Variants in INPP5B observed in about 807,000 individuals in gnomAD.
INPP5B encodes the protein type II inositol 1,4,5-trisphosphate 5-phosphatase.
INPP5B carries 90 observed loss-of-function variants against 118.5 expected under a neutral mutation model. That is an observed-to-expected ratio of 0.76 (90% CI 0.64 to 0.90). The LOEUF is 0.90. INPP5B is among the 40% of genes least tolerant of loss of function. INPP5B has a pLI of 0.00. For synonymous variants in INPP5B, 385 were observed against 418.9 expected (o/e 0.92, Z 0.99); for missense variants, 984 against 1,125.6 (o/e 0.87, Z 1.80).
chr1:37,880,757 ACT>A (rs1208364362), intron 14 of INPP5B, among the ~76,000 whole-genome samples: 1 of 138,514 alleles, frequency 7.2e-6, no homozygotes, highest in African/African-American at 2.8e-5. Context: ...TTTCAGTCTC[ACT>A]CTGTCACCCA....
intron 7 of INPP5B, among the ~76,000 whole-genome samples, chr1:37,913,584 C>T (rs1427383263): frequency 6.6e-6 from 1 of 152,044 alleles, no homozygotes; most frequent in Non-Finnish European, 1.5e-5. Flanking sequence ...TTCTAACAAC[C>T]CCACAATATC....
At chr1:37,896,502 C>T (rs1218387418) in intron 7 of INPP5B, among the ~76,000 whole-genome samples, 6 of 148,144 alleles carry the variant, frequency 4.1e-5, no homozygotes, top group Admixed American at 6.6e-5. Context: ...GGCCAGCCGC[C>T]CCGTCCGGCA....
intron 7 of INPP5B, among the ~76,000 whole-genome samples, chr1:37,902,882 G>A (rs1381154557): frequency 6.6e-6 from 1 of 152,024 alleles, no homozygotes; most frequent in Admixed American, 6.6e-5. Context: ...TACTCAGGAG[G>A]TGAAGGGGGA....
chr1:37,871,034 G>T (rs976317499), intron 19 of INPP5B, among the ~76,000 whole-genome samples: 14 of 151,324 alleles, frequency 9.3e-5, no homozygotes, highest in African/African-American at 3.2e-4. Flanking sequence ...GCATGCACTT[G>T]TAGTCCCAGC....
At chr1:37,933,723 A>G (rs1557720285) in intron 6 of INPP5B, among the ~76,000 whole-genome samples, 1 of 20,944 alleles carries the variant, frequency 4.8e-5, no homozygotes, top group African/African-American at 8.6e-5. Context: ...CTGTCTCAAT[A>G]AATAAATAAA....
Position 37,914,880 on chromosome 1 carries a change from C to T in INPP5B, c.532+17033G>A, listed in dbSNP as rs111783300. On this transcript the variant is annotated intron_variant, in intron 7 of 23. Coordinates refer to ENST00000373024, the MANE Select transcript of INPP5B (RefSeq NM_005540.3). ...ACCACAATATATGGCACACACCAGG[C>T]AGTCAGTAAACACACCCTAAACAAA... Among the ~76,000 whole-genome samples the T allele has an allele frequency of 9.7e-4, 148 of 152,266 alleles. 3 individuals are homozygous for T. In the Middle Eastern group the frequency reaches 0.01, roughly 10 times the overall value.
chr1:37,912,711 G>A (rs1225642966), intron 7 of INPP5B, among the ~76,000 whole-genome samples: 4 of 152,000 alleles, frequency 2.6e-5, no homozygotes, highest in African/African-American at 9.7e-5. Flanking sequence ...GATGAACTTT[G>A]CTGACAGGGC....
chr1:37,895,572 G>C (rs954878387), intron 7 of INPP5B, among the ~76,000 whole-genome samples: 1 of 151,048 alleles, frequency 6.6e-6, no homozygotes, highest in African/African-American at 2.4e-5. Context: ...AGCCGAAGCT[G>C]GACGGTACTG....
In INPP5B at chr1:37,865,800, G is replaced by C. The variant is rs756072632; in HGVS notation, c.2475C>G (p.Asn825Lys). 6 of 1,613,846 alleles carry C rather than the reference G, an allele frequency of 3.7e-6. No individual in the cohort carries two copies. Among genetic ancestry groups the C allele is most frequent in the East Asian group, 4.5e-5 (2 of 44,864 alleles). Residue 825 changes from asparagine (N) to lysine (K), a missense_variant, in exon 22 of 24, where the codon AAC (asparagine) becomes AAG (lysine). Transcript: ENST00000373024. Reference protein sequence around the residue: ...EPVICYSTYHNCLECSGNYTA... With the variant: ...EPVICYSTYHKCLECSGNYTA... ...TGTAGTTGCCAGAACACTCCAAGCA[G>C]TTATGGTAGGTGCTGTAACAGATGA...
chr1:37,916,720 T>A (rs1420915167), intron 7 of INPP5B, among the ~76,000 whole-genome samples: 3 of 152,192 alleles, frequency 2.0e-5, no homozygotes, highest in African/African-American at 7.2e-5. Flanking sequence ...CCAGCCAGTC[T>A]GGGCTTTTTC....
chr1:37,869,115 C>A (rs940158005), intron 19 of INPP5B, among the ~76,000 whole-genome samples: 15 of 152,258 alleles, frequency 9.9e-5, no homozygotes, highest in African/African-American at 3.6e-4. Context: ...GTCTCAGCCT[C>A]CCTAGTAGCT....
At chr1:37,894,532 A>T (rs941374684) in intron 7 of INPP5B, among the ~76,000 whole-genome samples, 1 of 150,774 alleles carries the variant, frequency 6.6e-6, no homozygotes, top group African/African-American at 2.4e-5. Flanking sequence ...ATGAACCTGA[A>T]TCCCCATGCG....
In INPP5B at chr1:37,888,277, T is replaced by C. The variant is rs1441714679; in HGVS notation, c.865A>G (p.Asn289Asp). ...TAGACATCTGGGGCCTGGATACCAT[T>C]GCTCAGCCACAGCCGGAGGCATTCT... ...PKECLRLWLS[N>D]GIQAPDVYCV... The change falls in exon 10 of 24, where the codon AAT becomes GAT. Residue 289 changes from asparagine (N) to aspartate (D), a missense_variant. Around this residue, in one of 2 missense-constraint regions of INPP5B, gnomAD observed 634 missense variants for 791.0 expected, o/e 0.80. Coordinates refer to ENST00000373024, the MANE Select transcript of INPP5B (RefSeq NM_005540.3). The C allele has an allele frequency of 1.9e-6, 3 of 1,581,634 alleles. 1 individual carries two copies. The South Asian group carries it at 3.5e-5, about 18-fold the overall frequency.
At chr1:37,896,868 C>A in intron 7 of INPP5B, among the ~76,000 whole-genome samples, 2 of 136,084 alleles carry the variant, frequency 1.5e-5, no homozygotes, top group African/African-American at 2.7e-5. Flanking sequence ...GTGAGGAGCC[C>A]CTCTGCCCGG....
chr1:37,888,453 G>C, intron 9 of INPP5B, 109 bp from the exon 10 acceptor site: 1 of 588,110 alleles, frequency 1.7e-6, no homozygotes, highest in Non-Finnish European at 2.8e-6. Context: ...CTGGCATTTT[G>C]AGACATAAGA....
chr1:37,934,643 C>A (rs1479518270), intron 6 of INPP5B, among the ~76,000 whole-genome samples: 2 of 152,118 alleles, frequency 1.3e-5, no homozygotes, highest in Non-Finnish European at 2.9e-5. Flanking sequence ...TAACCCAGGT[C>A]CCTCCCTGAG....
At chr1:37,930,334 A>G (rs1329932781) in intron 7 of INPP5B, 2 of 152,210 alleles carry the variant, frequency 1.3e-5, no homozygotes, top group Non-Finnish European at 1.5e-5. Flanking sequence ...ATCCCTGCAC[A>G]TTTCTCAGTC....
Position 37,907,010 on chromosome 1 carries a change from C to A in INPP5B, c.533-15556G>T, listed in dbSNP as rs193152725. On this transcript the variant is annotated intron_variant, in intron 7 of 23. Coordinates refer to ENST00000373024, the MANE Select transcript of INPP5B (RefSeq NM_005540.3). This position sits in a 1 kb window ranked among gnomAD's most constrained non-coding sequence, Gnocchi z 4.3. ...GATCTCTGGTGCAGCTCAGAAGAAA[C>A]AAGAGATATAGGTAATGTAAAAACC... Among the ~76,000 whole-genome samples, 2 of 152,194 alleles carry A rather than the reference C, an allele frequency of 1.3e-5. No individual in the cohort carries two copies. The highest frequency in any genetic ancestry group is 1.3e-4 in the Admixed American group (2 of 15,278).
intron 7 of INPP5B, among the ~76,000 whole-genome samples, chr1:37,910,399 C>G (rs1176571437): frequency 6.6e-6 from 1 of 152,094 alleles, no homozygotes; most frequent in East Asian, 1.9e-4. Context: ...ACCTGCCCAG[C>G]TCCCTTATTA....
Sources: gnomAD v4.1 joint callset for allele counts (sites outside exome capture counted in the v4.1 genomes callset) on GRCh38, gnomAD v4.1.1 for gene constraint, gnomAD v4.1.1 regional missense constraint, Gnocchi (gnomAD v3.1) non-coding constraint, MANE v1.5 for transcripts, NCBI Gene and HGNC (gene_info 2026-07-23, HGNC 2026-07-21) for gene names.